The following CIB1 variants were observed in gnomAD, a reference collection of about 807,000 sequenced individuals.
The protein encoded by CIB1 is calcium and integrin-binding protein 1.
A neutral mutation model predicts 25.0 loss-of-function variants in CIB1; 19 were observed. That is an observed-to-expected ratio of 0.76 (90% CI 0.53 to 1.12). The LOEUF is 1.12. Ranked by LOEUF, CIB1 falls within the 50% of genes most tolerant of loss-of-function variation. CIB1 has a pLI of 0.00. For synonymous variants in CIB1, 104 were observed against 98.5 expected (o/e 1.06, Z -0.33); for missense variants, 236 against 242.6 (o/e 0.97, Z 0.18).
the CIB1 span, among the ~76,000 whole-genome samples, chr15:90,247,641 A>T: frequency 6.6e-6 from 1 of 151,626 alleles, no homozygotes; most frequent in Admixed American, 6.5e-5. Flanking sequence ...CCCTGTATAG[A>T]GGGTTGTAGC....
At chr15:90,259,001 T>C in the CIB1 span, 23 of 1,609,846 alleles carry the variant, frequency 1.4e-5, no homozygotes, top group Non-Finnish European at 1.8e-5. Context: ...AGATGAAGAA[T>C]GTGGCCTGGG....
the CIB1 span, chr15:90,250,536 C>A: frequency 6.9e-7 from 1 of 1,454,502 alleles, no homozygotes; most frequent in Non-Finnish European, 9.3e-7. Flanking sequence ...GAAGGTCGTT[C>A]TGGTGGATTC....
the CIB1 span, chr15:90,258,540 C>T: frequency 1.6e-6 from 1 of 615,706 alleles, no homozygotes; most frequent in African/African-American, 1.8e-5. Context: ...TCTAGAGAGG[C>T]AGGCCAGCTG....
chr15:90,255,177 G>A, the CIB1 span, among the ~76,000 whole-genome samples: 5 of 152,224 alleles, frequency 3.3e-5, no homozygotes, highest in African/African-American at 1.2e-4. Context: ...GGAATTACCT[G>A]AAGGAAGTGT....
chr15:90,230,365 G>A lies in CIB1; in HGVS notation c.*119C>T. 1 of 1,210,556 alleles carries A rather than the reference G, an allele frequency of 8.3e-7. No individual in the cohort carries two copies. Among genetic ancestry groups the A allele is most frequent in the Admixed American group, 2.1e-5 (1 of 46,898 alleles). The allele number at this position is 1,210,556 out of a possible 1,614,324, so 75.0% of individuals were successfully genotyped here. ...CCCCTGCCCGGGGTGAGGCTGCACA[G>A]CGCCAGCTCCAGGCTGGGCCAGCTT... is the stretch of plus-strand genomic sequence containing the variant. On this transcript the variant is annotated 3_prime_UTR_variant, in exon 7 of 7. Transcript: ENST00000328649.
the CIB1 span, among the ~76,000 whole-genome samples, chr15:90,250,360 G>T: frequency 6.6e-6 from 1 of 152,198 alleles, no homozygotes; most frequent in Non-Finnish European, 1.5e-5. Context: ...ACCCCTGTGC[G>T]TTGTATGATC....
At chr15:90,261,715 G>A in the CIB1 span, among the ~76,000 whole-genome samples, 1 of 152,194 alleles carries the variant, frequency 6.6e-6, no homozygotes, top group Non-Finnish European at 1.5e-5. Context: ...GGGAGGCAGA[G>A]GTTACAGTGA....
chr15:90,233,796 C>T, intron 1 of CIB1, 39 bp downstream of exon 1: 1 of 1,550,740 alleles, frequency 6.4e-7, no homozygotes, highest in South Asian at 1.2e-5. Flanking sequence ...CGAGAAGAGG[C>T]CCGCACGCGA....
chr15:90,253,541 G>A, the CIB1 span, among the ~76,000 whole-genome samples: 5 of 152,176 alleles, frequency 3.3e-5, no homozygotes, highest in African/African-American at 9.7e-5. Flanking sequence ...CTTGGAGATT[G>A]TGGGTTTCTG....
At chr15:90,258,720 T>C in the CIB1 span, 10 of 1,603,656 alleles carry the variant, frequency 6.2e-6, no homozygotes. Flanking sequence ...GGGAAAGGGG[T>C]GTATAATGAC....
At chr15:90,261,500 G>A in the CIB1 span, among the ~76,000 whole-genome samples, 8 of 151,294 alleles carry the variant, frequency 5.3e-5, no homozygotes, top group Admixed American at 5.3e-4. Context: ...CTCCACTTAA[G>A]ATGAAAATCA....
chr15:90,262,487 G>T, the CIB1 span: 1 of 1,475,954 alleles, frequency 6.8e-7, no homozygotes, highest in Non-Finnish European at 8.9e-7. Context: ...GCTGTGTCTT[G>T]TCAGGCAGCA....
the CIB1 span, chr15:90,263,790 T>G: frequency 1.4e-6 from 1 of 705,204 alleles, no homozygotes; most frequent in Non-Finnish European, 2.6e-6. Context: ...AATCTATGAG[T>G]CTGGTCCTAC....
chr15:90,249,828 A>C, the CIB1 span: 3 of 152,266 alleles, frequency 2.0e-5, no homozygotes, highest in Non-Finnish European at 2.9e-5. Context: ...CTCCACCGTC[A>C]CAGCCCAAAG....
intron 2 of CIB1, among the ~76,000 whole-genome samples, chr15:90,233,104 C>G (rs1005359488): frequency 2.0e-5 from 3 of 152,234 alleles, no homozygotes; most frequent in Admixed American, 6.5e-5. Context: ...TGCATAAATC[C>G]GGCAAAAGGG....
At chr15:90,249,239 G>GAAAAAA in the CIB1 span, among the ~76,000 whole-genome samples, 1 of 145,896 alleles carries the variant, frequency 6.9e-6, no homozygotes, top group African/African-American at 2.6e-5. Context: ...AAAAAAAAAG[G>GAAAAAA]GAGAATTGAG....
chr15:90,250,635 A>T, the CIB1 span: 1 of 1,612,742 alleles, frequency 6.2e-7, no homozygotes, highest in Non-Finnish European at 8.5e-7. Context: ...GAGAGAATGG[A>T]GCCGAGTACC....
the CIB1 span, chr15:90,257,227 G>C: frequency 1.2e-6 from 2 of 1,614,078 alleles, no homozygotes; most frequent in Non-Finnish European, 1.7e-6. Context: ...CATATGAGGA[G>C]GGCCTAGCCC....
chr15:90,265,273 G>C, the CIB1 span: 1 of 1,253,124 alleles, frequency 8.0e-7, no homozygotes, highest in Non-Finnish European at 1.0e-6. Context: ...TGCGGCCCGG[G>C]GCTGGAGGCC....
Sources: gnomAD v4.1 joint callset for allele counts (sites outside exome capture counted in the v4.1 genomes callset) on GRCh38, gnomAD v4.1.1 for gene constraint, MANE v1.5 for transcripts, NCBI Gene and HGNC (gene_info 2026-07-23, HGNC 2026-07-21) for gene names.